CLVS1: variants seen among roughly 807,000 people sequenced by gnomAD.
CLVS1 encodes clavesin 1, also known as clavesin-1.
CLVS1 carries 10 observed loss-of-function variants against 33.1 expected under a neutral mutation model. The ratio of observed to expected loss-of-function variants is 0.30; its 90% CI spans 0.19 to 0.51. The LOEUF is 0.51. Among genes scored for constraint, CLVS1 ranks in the 20% least tolerant of loss-of-function variants. The probability of loss-of-function intolerance (pLI) is 0.97; values close to 1 mark genes in which losing one functional copy is unlikely to be tolerated. For missense variants in CLVS1, 343 were observed against 433.4 expected, an observed-to-expected ratio of 0.79 and a Z score of 1.85; for synonymous variants, 163 against 166.1, an observed-to-expected ratio of 0.98 and a Z score of 0.14.
intron 2 of CLVS1, among the ~76,000 whole-genome samples, chr8:61,249,861 A>G (rs1808895742): frequency 1.3e-5 from 2 of 152,102 alleles, no homozygotes; most frequent in African/African-American, 4.8e-5. Flanking sequence ...CCCATTCTGT[A>G]GGTTGCCTGT....
At chr8:61,424,752 G>C (rs142163750) in intron 3 of CLVS1, among the ~76,000 whole-genome samples, 4 of 152,254 alleles carry the variant, frequency 2.6e-5, no homozygotes, top group African/African-American at 9.6e-5. Flanking sequence ...AGAATTTGCT[G>C]TGCATTCCAG....
At chr8:61,307,607 A>T (rs1408840022) in intron 2 of CLVS1, among the ~76,000 whole-genome samples, 2 of 152,194 alleles carry the variant, frequency 1.3e-5, no homozygotes, top group Non-Finnish European at 2.9e-5. Context: ...ATGCAAAAAA[A>T]TTCTTTATGA....
chr8:61,216,775 A>G (rs1808098993), intron 2 of CLVS1, among the ~76,000 whole-genome samples: 2 of 152,194 alleles, frequency 1.3e-5, no homozygotes, highest in African/African-American at 4.8e-5. Context: ...AGAGCTAAAC[A>G]TTAGTTTGGA....
intron 1 of CLVS1, among the ~76,000 whole-genome samples, chr8:61,096,538 T>C (rs1275686423): frequency 6.6e-6 from 1 of 152,200 alleles, no homozygotes; most frequent in Non-Finnish European, 1.5e-5. Flanking sequence ...TAGTAAATAT[T>C]AAAATAGGAT....
At chr8:61,002,926 CT>C in the CLVS1 span, among the ~76,000 whole-genome samples, 3 of 152,216 alleles carry the variant, frequency 2.0e-5, no homozygotes, top group Non-Finnish European at 2.9e-5. Flanking sequence ...CATATCAAAT[CT>C]GCTGCCTTAC....
chr8:61,311,665 C>A (rs1810837130), intron 2 of CLVS1, among the ~76,000 whole-genome samples: 2 of 152,186 alleles, frequency 1.3e-5, no homozygotes, highest in Non-Finnish European at 2.9e-5. Flanking sequence ...TTATTGACAG[C>A]ATATCTTTCC....
At chr8:61,277,192 GC>G (rs1394642731) in intron 2 of CLVS1, among the ~76,000 whole-genome samples, 3 of 152,140 alleles carry the variant, frequency 2.0e-5, no homozygotes, top group Non-Finnish European at 4.4e-5. Flanking sequence ...AAAGAATGAA[GC>G]TTTTGCCCTC....
intron 1 of CLVS1, among the ~76,000 whole-genome samples, chr8:61,059,025 T>A (rs1804530042): frequency 6.6e-6 from 1 of 152,226 alleles, no homozygotes; most frequent in Non-Finnish European, 1.5e-5. Flanking sequence ...AGACTTTGTG[T>A]GGACATGTGC....
chr8:60,973,617 G>A, the CLVS1 span, among the ~76,000 whole-genome samples: 1 of 152,202 alleles, frequency 6.6e-6, no homozygotes, highest in Non-Finnish European at 1.5e-5. Flanking sequence ...CTGGAAGAGG[G>A]CCAAGGGAGC....
chr8:61,220,567 T>C (rs1383372818), intron 2 of CLVS1, among the ~76,000 whole-genome samples: 2 of 152,164 alleles, frequency 1.3e-5, no homozygotes, highest in African/African-American at 2.4e-5. Flanking sequence ...TGTAGCCTTG[T>C]AATATAGTTT....
At chr8:61,277,364 A>G (rs980273524) in intron 2 of CLVS1, among the ~76,000 whole-genome samples, 2 of 152,226 alleles carry the variant, frequency 1.3e-5, no homozygotes, top group Non-Finnish European at 2.9e-5. Flanking sequence ...GGACTTCTGC[A>G]TAAGGTCCTG....
At position 61,276,699 on chromosome 8, in the gene CLVS1, T is replaced by C. The variant is rs539036223; in HGVS notation, c.-151-22978T>C. ...CTTAACACAGTAAGTATTCTATTAC[T>C]GAAAGAAAAAAATGAATAAAATGAT... is the stretch of plus-strand genomic sequence containing the variant. On this transcript the variant is annotated intron_variant, in intron 2 of 2. Transcript: ENST00000522621. 2.6e-5 allele frequency among the ~76,000 whole-genome samples: 4 copies of C among 152,350 alleles called. No homozygotes were observed. In the South Asian group the frequency reaches 8.3e-4, roughly 32 times the overall value.
At chr8:61,161,797 T>C (rs1050184769) in intron 2 of CLVS1, among the ~76,000 whole-genome samples, 5 of 152,206 alleles carry the variant, frequency 3.3e-5, no homozygotes, top group African/African-American at 1.2e-4. Flanking sequence ...TTAAATGTTC[T>C]CATCGCAAAA....
chr8:61,442,203 T>A (rs934583483), intron 3 of CLVS1, among the ~76,000 whole-genome samples: 1 of 152,190 alleles, frequency 6.6e-6, no homozygotes, highest in African/African-American at 2.4e-5. Context: ...GAGTATGTAA[T>A]TTTGGGGGGA....
intron 2 of CLVS1, among the ~76,000 whole-genome samples, chr8:61,331,316 A>T (rs1811581989): frequency 6.6e-6 from 1 of 151,690 alleles, no homozygotes; most frequent in Non-Finnish European, 1.5e-5. Context: ...TGTAATTCAT[A>T]TTGCTGTGTT....
chr8:61,236,838 G>T (rs112387529), intron 2 of CLVS1, among the ~76,000 whole-genome samples: 1 of 152,172 alleles, frequency 6.6e-6, no homozygotes, highest in Non-Finnish European at 1.5e-5. Context: ...CAGAGCTGGC[G>T]CAGGGAATTA....
chr8:61,401,471 C>T (rs934723981), intron 3 of CLVS1, among the ~76,000 whole-genome samples: 2 of 151,962 alleles, frequency 1.3e-5, no homozygotes, highest in Non-Finnish European at 2.9e-5. Flanking sequence ...CAGTTAATCA[C>T]CACCACCTTA....
At chr8:61,246,429 C>T (rs980519580) in intron 2 of CLVS1, among the ~76,000 whole-genome samples, 14 of 151,804 alleles carry the variant, frequency 9.2e-5, no homozygotes, top group Non-Finnish European at 1.8e-4. Flanking sequence ...CTCGGCCTCC[C>T]AAAGTGCTGG....
At chr8:61,232,272 G>C (rs563230883) in intron 2 of CLVS1, among the ~76,000 whole-genome samples, 5 of 151,762 alleles carry the variant, frequency 3.3e-5, no homozygotes, top group Non-Finnish European at 5.9e-5. Context: ...TCCTGACCTC[G>C]TGATCCGCCC....
Sources: allele counts gnomAD v4.1 joint callset (sites outside exome capture counted in the v4.1 genomes callset), GRCh38; gene constraint gnomAD v4.1.1; transcripts MANE v1.5; gene names NCBI Gene and HGNC (gene_info 2026-07-23, HGNC 2026-07-21).